The following ITIH2 variants were observed in gnomAD, a reference collection of about 807,000 sequenced individuals.
ITIH2 encodes inter-alpha-trypsin inhibitor heavy chain 2.
A neutral mutation model predicts 104.4 loss-of-function variants in ITIH2; 103 were observed. The ratio of observed to expected loss-of-function variants is 0.99; its 90% CI spans 0.84 to 1.16. ITIH2 has a LOEUF of 1.16. Among genes scored for constraint, ITIH2 ranks in the 50% most tolerant of loss-of-function variants. ITIH2 has a pLI of 0.00. For synonymous variants in ITIH2, 436 were observed against 435.4 expected (o/e 1.00, Z -0.02); for missense variants, 1,108 against 1,162.4 (o/e 0.95, Z 0.68).
intron 4 of ITIH2, among the ~76,000 whole-genome samples, chr10:7,709,923 G>A (rs560195351): frequency 1.7e-4 from 26 of 152,006 alleles, no homozygotes; most frequent in Non-Finnish European, 2.5e-4. Context: ...GCGTGATCTC[G>A]GCTCACTGCA....
chr10:7,745,004 C>G, intron 19 of ITIH2, 41 bp downstream of exon 19: 1 of 1,567,344 alleles, frequency 6.4e-7, no homozygotes, highest in Non-Finnish European at 8.8e-7. Context: ...TGGGGCCGCT[C>G]TAATTCTTTA....
chr10:7,731,864 T>A lies in ITIH2; in HGVS notation c.1515T>A (p.Tyr505Ter). 6.2e-7 allele frequency: 1 copy of A among 1,613,918 alleles called. No homozygotes were observed. Among genetic ancestry groups the A allele is most frequent in the Non-Finnish European group, 8.5e-7 (1 of 1,179,792 alleles). The change falls in exon 13 of 21, where the codon TAT (tyrosine) becomes TAA (stop). Residue 505 changes from tyrosine (Y) to a stop codon, truncating the protein, a stop_gained. Coordinates refer to ENST00000358415, the MANE Select transcript of ITIH2 (RefSeq NM_002216.3). LOFTEE classifies it high-confidence loss of function. The part of the protein sequence containing the change: ...TPLLRNVQFN[Y>*]PHTSVTDVTQ... ...TGCTCCGGAATGTTCAGTTCAACTA[T>A]CCCCATACATCAGTCACGGACGTCA...
intron 12 of ITIH2, among the ~76,000 whole-genome samples, chr10:7,731,133 G>T (rs1020702958): frequency 6.6e-6 from 1 of 152,094 alleles, no homozygotes; most frequent in Non-Finnish European, 1.5e-5. Flanking sequence ...GGCGAGGCTG[G>T]TCTCAAACTC....
intron 5 of ITIH2, among the ~76,000 whole-genome samples, chr10:7,714,272 C>G (rs958679829): frequency 6.7e-6 from 1 of 149,618 alleles, no homozygotes; most frequent in Non-Finnish European, 1.5e-5. Flanking sequence ...CCCGGGTTCA[C>G]GCCATTCTCC....
rs772058865 is a variant in ITIH2, at chr10:7,738,724, G to A, written c.2061G>A (p.Val687=). 2 of 1,613,224 alleles carry A rather than the reference G, an allele frequency of 1.2e-6. No individual in the cohort carries two copies. Among genetic ancestry groups the A allele is most frequent in the Non-Finnish European group, 1.7e-6 (2 of 1,179,668 alleles). The change falls in exon 16 of 21, where the codon GTG becomes GTA. Residue 687 remains valine, a synonymous_variant. Transcript: ENST00000358415. ...VISMLAQGSQ[V]LESTPPPHVM... ...CCATGCTGGCACAAGGATCTCAGGT[G>A]CTAGAGTCCACGCCACCCCCACATG... is the stretch of plus-strand genomic sequence containing the variant.
In ITIH2 at chr10:7,719,745, A is replaced by C. The variant is rs111536935; in HGVS notation, c.631-1111A>C. Among the ~76,000 whole-genome samples the C allele has an allele frequency of 1.3e-3, 185 of 137,144 alleles. 1 individual carries two copies. The highest frequency in any genetic ancestry group is 5.1e-3 in the African/African-American group (179 of 35,346). 90.0% of individuals were successfully genotyped at this position (137,144 alleles called of 152,430 possible). A position where few individuals can be genotyped will look rare whatever the true frequency, so the allele number is the denominator to read the frequency against. ...CACTGCACTCCAGGCTGGATGGCAA[A>C]ATGAGACCCTGTCTCAAAAAAAAAA... On this transcript the variant is annotated intron_variant, in intron 6 of 20. Coordinates refer to ENST00000358415, the MANE Select transcript of ITIH2 (RefSeq NM_002216.3).
intron 8 of ITIH2, among the ~76,000 whole-genome samples, chr10:7,723,017 G>C (rs1174723036): frequency 2.0e-5 from 3 of 151,230 alleles, no homozygotes; most frequent in Non-Finnish European, 4.4e-5. Context: ...GGGTGGAGTG[G>C]AGTGGCGTGC....
At chr10:7,707,919 G>A (rs535897009) in intron 3 of ITIH2, among the ~76,000 whole-genome samples, 6 of 152,144 alleles carry the variant, frequency 3.9e-5, no homozygotes, top group African/African-American at 7.2e-5. Context: ...AAGAGTGCCC[G>A]TGGAAAGGAA....
Position 7,742,806 on chromosome 10 carries a change from T to C in ITIH2, c.2096-340T>C, listed in dbSNP as rs781196144. 1.7e-4 allele frequency among the ~76,000 whole-genome samples: 26 copies of C among 152,254 alleles called. 1 individual carries two copies. The highest frequency in any genetic ancestry group is 3.3e-4 in the Admixed American group (5 of 15,280). On this transcript the variant is annotated intron_variant, in intron 16 of 20. Transcript: ENST00000358415. ...ATTCACACACGTGTATGTATGTTTC[T>C]TATATTTGTGGGTGCATATTTGTGT...
chr10:7,738,310 T>C lies in ITIH2; in HGVS notation c.1958-311T>C, dbSNP rs534317341. Among the ~76,000 whole-genome samples the C allele has an allele frequency of 5.9e-5, 8 of 135,296 alleles. No individual in the cohort carries two copies. In the East Asian group the frequency reaches 1.4e-3, roughly 24 times the overall value. 88.8% of individuals were successfully genotyped at this position (135,296 alleles called of 152,430 possible). ...ATATTCTATATAATATTATATATTATATTCTGGGCCTTCTCCCAGACTTCG... is the reference window on the plus strand; with the variant it reads ...ATATTCTATATAATATTATATATTACATTCTGGGCCTTCTCCCAGACTTCG... On this transcript the variant is annotated intron_variant, in intron 15 of 20. Coordinates refer to ENST00000358415, the MANE Select transcript of ITIH2 (RefSeq NM_002216.3).
chr10:7,720,834 T>G (rs772242540), intron 6 of ITIH2, 22 bp from the exon 7 acceptor site: 32 of 1,404,112 alleles, frequency 2.3e-5, no homozygotes, highest in Non-Finnish European at 2.9e-5. Context: ...ATGCTTTGGG[T>G]AATTTTCTCT....
At chr10:7,732,684 A>G (rs559756136) in intron 14 of ITIH2, among the ~76,000 whole-genome samples, 3 of 152,306 alleles carry the variant, frequency 2.0e-5, no homozygotes, top group Admixed American at 2.0e-4. Flanking sequence ...AACATACAGT[A>G]AAGTATGCAA....
In ITIH2 at chr10:7,738,729, A is replaced by G; in HGVS notation, c.2066A>G (p.Glu689Gly). ...SMLAQGSQVL[E>G]STPPPHVMRV... ...CTGGCACAAGGATCTCAGGTGCTAG[A>G]GTCCACGCCACCCCCACATGTGATG... The change falls in exon 16 of 21, where the codon GAG becomes GGG. Residue 689 changes from glutamate (E) to glycine (G), a missense_variant. Transcript: ENST00000358415. 1 of 1,612,914 alleles carries G rather than the reference A, an allele frequency of 6.2e-7. No individual in the cohort carries two copies. The highest frequency in any genetic ancestry group is 8.5e-7 in the Non-Finnish European group (1 of 1,179,470).
chr10:7,705,268 A>G, intron 2 of ITIH2, 86 bp downstream of exon 2: 1 of 940,410 alleles, frequency 1.1e-6, no homozygotes, highest in Non-Finnish European at 1.7e-6. Context: ...GCCTTCTGCT[A>G]GATTTTCTTA....
chr10:7,738,728 G>C lies in ITIH2; in HGVS notation c.2065G>C (p.Glu689Gln). ...GCTGGCACAAGGATCTCAGGTGCTA[G>C]AGTCCACGCCACCCCCACATGTGAT... ...SMLAQGSQVL[E>Q]STPPPHVMRV... Residue 689 changes from glutamate to glutamine, a missense_variant, in exon 16 of 21, where the codon GAG (glutamate) becomes CAG (glutamine). Physicochemically the swap from Glu to Gln is conservative, Grantham distance 29 (BLOSUM62 2). Transcript: ENST00000358415. 2 of 1,613,244 alleles carry C rather than the reference G, an allele frequency of 1.2e-6. No homozygotes were observed. Among genetic ancestry groups the C allele is most frequent in the Non-Finnish European group, 1.7e-6 (2 of 1,179,620 alleles).
intron 11 of ITIH2, among the ~76,000 whole-genome samples, chr10:7,728,573 T>C (rs1193960241): frequency 6.6e-6 from 1 of 151,888 alleles, no homozygotes; most frequent in Non-Finnish European, 1.5e-5. Flanking sequence ...TTCTTTTTTT[T>C]TTTGGAGAGA....
intron 16 of ITIH2, among the ~76,000 whole-genome samples, chr10:7,740,895 C>T (rs988546580): frequency 3.3e-5 from 5 of 152,154 alleles, no homozygotes; most frequent in Admixed American, 1.3e-4. Flanking sequence ...ACATTAGTCA[C>T]GGAGGTCCTT....
At position 7,721,745 on chromosome 10, in the gene ITIH2, G is replaced by A. The variant is rs768305933; in HGVS notation, c.835G>A (p.Val279Met). The change falls in exon 8 of 21, where the codon GTG becomes ATG. Residue 279 changes from valine to methionine, a missense_variant. Val to Met is a conservative substitution (Grantham distance 21, BLOSUM62 1). Coordinates refer to ENST00000358415, the MANE Select transcript of ITIH2 (RefSeq NM_002216.3). ...TGGGGAACTGGTGGTGCTGTATGAC[G>A]TGAAAAGAGAAGAGAAGGCTGGTGA... ...VDGELVVLYD[V>M]KREEKAGELE... 7.4e-6 allele frequency: 12 copies of A among 1,613,902 alleles called. No homozygotes were observed. The highest frequency in any genetic ancestry group is 5.5e-5 in the South Asian group (5 of 91,080).
chr10:7,709,840 T>C (rs554940949), intron 4 of ITIH2, among the ~76,000 whole-genome samples: 6 of 152,310 alleles, frequency 3.9e-5, no homozygotes, highest in African/African-American at 1.4e-4. Flanking sequence ...GATGAAATGA[T>C]GTGCCATCTG....
Sources: allele counts gnomAD v4.1 joint callset (sites outside exome capture counted in the v4.1 genomes callset), GRCh38; gene constraint gnomAD v4.1.1; transcripts MANE v1.5; gene names NCBI Gene and HGNC (gene_info 2026-07-23, HGNC 2026-07-21).